Variants in SSBP2 observed in about 807,000 individuals in gnomAD.
SSBP2 encodes single stranded DNA binding protein 2, also known as single-stranded DNA-binding protein 2.
In SSBP2, 17 loss-of-function variants were observed where a neutral mutation model predicts 61.8. The observed-to-expected ratio is 0.28, with a 90% confidence interval of 0.19 to 0.41. The LOEUF is 0.41. Among genes scored for constraint, SSBP2 ranks in the 10% least tolerant of loss-of-function variants. The pLI is 1.00. For missense variants in SSBP2, 310 were observed against 458.7 expected (o/e 0.68, Z 2.96); for synonymous variants, 139 against 141.3 (o/e 0.98, Z 0.12).
intron 4 of SSBP2, among the ~76,000 whole-genome samples, chr5:81,595,186 C>A (rs1469986462): frequency 6.6e-6 from 1 of 152,044 alleles, no homozygotes; most frequent in Non-Finnish European, 1.5e-5. Flanking sequence ...AGAAATACAA[C>A]CTACCATCAG....
At chr5:81,436,136 C>T (rs902307689) in intron 15 of SSBP2, among the ~76,000 whole-genome samples, 2 of 143,018 alleles carry the variant, frequency 1.4e-5, no homozygotes. Context: ...TGCAGTGGGC[C>T]GAGATTGCAC....
At chr5:81,747,377 G>A (rs954795173) in intron 1 of SSBP2, among the ~76,000 whole-genome samples, 2 of 151,724 alleles carry the variant, frequency 1.3e-5, no homozygotes, top group Non-Finnish European at 2.9e-5. Context: ...ACCATTCAGG[G>A]TCTTAGTTTT....
Position 81,476,446 on chromosome 5 carries a change from G to C in SSBP2, c.433-1884C>G, listed in dbSNP as rs149831473. Among the ~76,000 whole-genome samples, 6 of 152,078 alleles carry C rather than the reference G, an allele frequency of 3.9e-5. No individual in the cohort carries two copies. The East Asian group carries it at 1.2e-3, about 29-fold the overall frequency. ...TGTCTATTCTATCCCTACCTATCAT[G>C]TCCTCAACAATTTTAAAGAGAACAG... On this transcript the variant is annotated intron_variant, in intron 6 of 16. Transcript: ENST00000320672.
chr5:81,720,426 T>C (rs138394886), intron 1 of SSBP2, among the ~76,000 whole-genome samples: 71 of 152,314 alleles, frequency 4.7e-4, no homozygotes, highest in African/African-American at 1.6e-3. Context: ...CTACAACTTC[T>C]GAGAAAGTCA....
At chr5:81,427,160 C>A (rs1341983316) in intron 16 of SSBP2, among the ~76,000 whole-genome samples, 1 of 152,144 alleles carries the variant, frequency 6.6e-6, no homozygotes, top group East Asian at 1.9e-4. Context: ...AAATAAATGT[C>A]TTTAATTAGA....
intron 1 of SSBP2, among the ~76,000 whole-genome samples, chr5:81,681,279 G>A (rs983898843): frequency 6.6e-6 from 1 of 152,048 alleles, no homozygotes; most frequent in Non-Finnish European, 1.5e-5. Context: ...CAGCACTTTG[G>A]GAGACCGAGG....
chr5:81,472,841 T>C (rs936155891), intron 8 of SSBP2, among the ~76,000 whole-genome samples: 2 of 152,222 alleles, frequency 1.3e-5, no homozygotes, highest in Admixed American at 1.3e-4. Context: ...CCTCAAGTGA[T>C]CCACCTGCCT....
chr5:81,668,116 G>A (rs936792471), intron 1 of SSBP2, among the ~76,000 whole-genome samples: 4 of 151,876 alleles, frequency 2.6e-5, no homozygotes, highest in African/African-American at 9.7e-5. Flanking sequence ...AGGACACAGT[G>A]GGTATCAATA....
intron 15 of SSBP2, among the ~76,000 whole-genome samples, chr5:81,431,880 C>T (rs1040543631): frequency 1.9e-4 from 29 of 152,186 alleles, no homozygotes; most frequent in Admixed American, 1.1e-3. Context: ...ACCACTGTGC[C>T]CAGCTCATAT....
chr5:81,646,807 T>C (rs1215184014), intron 2 of SSBP2, among the ~76,000 whole-genome samples: 1 of 151,476 alleles, frequency 6.6e-6, no homozygotes, highest in East Asian at 1.9e-4. Flanking sequence ...TCCCTGTAGA[T>C]TGTACTATCA....
At position 81,418,322 on chromosome 5, in the gene SSBP2, C is replaced by T. The variant is rs1761407142; in HGVS notation, c.*2182G>A. ...CTGTTCTCCGGTGTGCACTCCTAGG[C>T]ACCTGAATACTGTGTGTGATTAACT... On this transcript the variant is annotated 3_prime_UTR_variant, in exon 17 of 17. Coordinates refer to ENST00000320672, the MANE Select transcript of SSBP2 (RefSeq NM_012446.5). 1 of 152,224 alleles carries T rather than the reference C, an allele frequency of 6.6e-6. No individual in the cohort carries two copies. The highest frequency in any genetic ancestry group is 1.5e-5 in the Non-Finnish European group (1 of 68,046). The allele number at this position is 152,224 out of a possible 1,614,324, so 9.4% of individuals were successfully genotyped here.
At chr5:81,506,925 T>C (rs992506647) in intron 5 of SSBP2, among the ~76,000 whole-genome samples, 2 of 152,138 alleles carry the variant, frequency 1.3e-5, no homozygotes, top group African/African-American at 4.8e-5. Context: ...ATCAAAAATA[T>C]TATACACTTT....
intron 1 of SSBP2, among the ~76,000 whole-genome samples, chr5:81,719,908 A>AG (rs1755438497): frequency 6.6e-6 from 1 of 152,070 alleles, no homozygotes; most frequent in African/African-American, 2.4e-5. Context: ...AAGTTAGGGT[A>AG]GGGGGATAGT....
chr5:81,441,312 G>C (rs1422464600), intron 13 of SSBP2, among the ~76,000 whole-genome samples: 3 of 152,072 alleles, frequency 2.0e-5, no homozygotes, highest in Non-Finnish European at 4.4e-5. Flanking sequence ...GTTCAAAACA[G>C]GTGTGCTATG....
At chr5:81,700,300 A>C (rs1039880377) in intron 1 of SSBP2, among the ~76,000 whole-genome samples, 2 of 152,246 alleles carry the variant, frequency 1.3e-5, no homozygotes, top group Non-Finnish European at 2.9e-5. Context: ...GTCAAGGAGC[A>C]GTGAAAAAGA....
chr5:81,694,739 C>G (rs1051001813), intron 1 of SSBP2, among the ~76,000 whole-genome samples: 5 of 152,174 alleles, frequency 3.3e-5, no homozygotes, highest in African/African-American at 1.2e-4. Flanking sequence ...CTTTGGGAGT[C>G]CAAGGTGGAG....
Position 81,418,911 on chromosome 5 carries a change from C to G in SSBP2, c.*1593G>C, listed in dbSNP as rs1170711764. ...TAAAGGAAAGAGAAGATTCCTCTTA[C>G]CTGCAATTAAACAATGCTTTTCAAA... On this transcript the variant is annotated 3_prime_UTR_variant, in exon 17 of 17. Transcript: ENST00000320672. 1 of 152,158 alleles carries G rather than the reference C, an allele frequency of 6.6e-6. No homozygotes were observed. Among genetic ancestry groups the G allele is most frequent in the Admixed American group, 6.5e-5 (1 of 15,276 alleles). The allele number at this position is 152,158 out of a possible 1,614,324, so 9.4% of individuals were successfully genotyped here. A position where few individuals can be genotyped will look rare whatever the true frequency, so the allele number is the denominator to read the frequency against.
chr5:81,437,139 G>A (rs1762723442), intron 15 of SSBP2, among the ~76,000 whole-genome samples: 1 of 151,096 alleles, frequency 6.6e-6, no homozygotes. Context: ...TTACAAATAA[G>A]TAACATCTTA....
At chr5:81,689,141 T>C (rs1306081879) in intron 1 of SSBP2, among the ~76,000 whole-genome samples, 1 of 151,202 alleles carries the variant, frequency 6.6e-6, no homozygotes, top group Non-Finnish European at 1.5e-5. Flanking sequence ...AAGAACAAAT[T>C]AGTGAGCTTG....
Sources: allele counts gnomAD v4.1 joint callset (sites outside exome capture counted in the v4.1 genomes callset), GRCh38; gene constraint gnomAD v4.1.1; transcripts MANE v1.5; gene names NCBI Gene and HGNC (gene_info 2026-07-23, HGNC 2026-07-21).